RSPO2: variants seen among roughly 807,000 people sequenced by gnomAD.
RSPO2 encodes R-spondin 2, also known as R-spondin-2.
In RSPO2, 14 loss-of-function variants were observed where a neutral mutation model predicts 30.9. The observed-to-expected ratio is 0.45, with a 90% CI of 0.30 to 0.71. The LOEUF (loss-of-function observed/expected upper bound fraction) is 0.71. Among genes scored for constraint, RSPO2 ranks in the 30% least tolerant of loss-of-function variants. The pLI, the probability that RSPO2 is intolerant of heterozygous loss-of-function variation, is 0.08. For synonymous variants in RSPO2, 107 were observed against 96.4 expected (o/e 1.11, Z -0.64); for missense variants, 264 against 301.9 (o/e 0.87, Z 0.93).
At chr8:107,921,587 A>G (rs528259891) in intron 5 of RSPO2, among the ~76,000 whole-genome samples, 1 of 152,162 alleles carries the variant, frequency 6.6e-6, no homozygotes, top group African/African-American at 2.4e-5. Context: ...AAGAGGAGGG[A>G]CTGACTCCTC....
At chr8:107,945,912 T>C (rs964000272) in intron 5 of RSPO2, among the ~76,000 whole-genome samples, 3 of 152,208 alleles carry the variant, frequency 2.0e-5, no homozygotes, top group African/African-American at 7.2e-5. Context: ...ACCACCTAGA[T>C]TACACTGTCG....
At chr8:107,904,510 A>G (rs1284979667) in intron 5 of RSPO2, among the ~76,000 whole-genome samples, 2 of 152,090 alleles carry the variant, frequency 1.3e-5, no homozygotes, top group African/African-American at 4.8e-5. Context: ...CTTCAAAATC[A>G]GGTAGAATCA....
intron 3 of RSPO2, among the ~76,000 whole-genome samples, chr8:107,980,615 A>G (rs1235859456): frequency 1.3e-5 from 2 of 152,314 alleles, no homozygotes; most frequent in African/African-American, 4.8e-5. Context: ...TTAGTTGGTC[A>G]ACATCAATCA....
chr8:107,978,644 CAAA>C (rs1814304066), intron 3 of RSPO2, among the ~76,000 whole-genome samples: 2 of 152,092 alleles, frequency 1.3e-5, no homozygotes, highest in East Asian at 3.8e-4. Flanking sequence ...TCTAAAACAC[CAAA>C]AGCAATGGCA....
chr8:107,985,971 C>T (rs545777168), intron 3 of RSPO2, among the ~76,000 whole-genome samples: 26 of 152,286 alleles, frequency 1.7e-4, no homozygotes, highest in Non-Finnish European at 2.9e-4. Flanking sequence ...GGAAATCATA[C>T]TCTAGTGATT....
At chr8:107,973,134 G>C (rs1195905105) in intron 3 of RSPO2, among the ~76,000 whole-genome samples, 1 of 152,032 alleles carries the variant, frequency 6.6e-6, no homozygotes, top group Non-Finnish European at 1.5e-5. Context: ...GCTGGGCATG[G>C]TGGCAGGCAC....
chr8:107,949,397 C>A lies in RSPO2; in HGVS notation c.616+8683G>T, dbSNP rs1054077942. Among the ~76,000 whole-genome samples, 4 of 151,988 alleles carry A rather than the reference C, an allele frequency of 2.6e-5. No homozygotes were observed. In the South Asian group the frequency reaches 6.2e-4, roughly 24 times the overall value. On this transcript the variant is annotated intron_variant, in intron 5 of 5. Transcript: ENST00000276659. Reference sequence around the variant, plus strand: ...TATATCCACATTTTCTTTATCCACTCTTTGATGGGTATCTAGGTTGGTTCC... The same window carrying A: ...TATATCCACATTTTCTTTATCCACTATTTGATGGGTATCTAGGTTGGTTCC...
At chr8:107,974,061 C>T (rs1406332199) in intron 3 of RSPO2, among the ~76,000 whole-genome samples, 3 of 152,048 alleles carry the variant, frequency 2.0e-5, no homozygotes, top group Non-Finnish European at 4.4e-5. Flanking sequence ...ATTGAAAATA[C>T]TGTATTTGCT....
intron 5 of RSPO2, among the ~76,000 whole-genome samples, chr8:107,918,460 A>T (rs1294385729): frequency 6.6e-6 from 1 of 152,174 alleles, no homozygotes; most frequent in Non-Finnish European, 1.5e-5. Flanking sequence ...AGAGTCACTA[A>T]GACCCTCTTG....
chr8:107,950,953 G>A (rs1813221845), intron 5 of RSPO2, among the ~76,000 whole-genome samples: 1 of 151,970 alleles, frequency 6.6e-6, no homozygotes, highest in South Asian at 2.1e-4. Flanking sequence ...AAGTATTACA[G>A]GAAATCTAGA....
intron 2 of RSPO2, among the ~76,000 whole-genome samples, chr8:108,043,125 TTG>T (rs772039388): frequency 2.6e-5 from 4 of 152,046 alleles, no homozygotes; most frequent in Admixed American, 6.6e-5. Context: ...CTCAGGCAGT[TTG>T]TGAGTGAGGA....
intron 2 of RSPO2, among the ~76,000 whole-genome samples, chr8:108,079,287 A>T (rs997629767): frequency 3.3e-5 from 5 of 152,090 alleles, no homozygotes; most frequent in African/African-American, 1.2e-4. Context: ...TGCCTAATTA[A>T]TTTTTTAAAA....
intron 3 of RSPO2, chr8:107,983,235 T>TGAAG: frequency 6.3e-7 from 1 of 1,581,078 alleles, no homozygotes; most frequent in South Asian, 1.2e-5. Context: ...CTGCAGCGTA[T>TGAAG]CTTTCTGAAG....
At chr8:108,028,135 T>C (rs189204478) in intron 2 of RSPO2, among the ~76,000 whole-genome samples, 4 of 152,292 alleles carry the variant, frequency 2.6e-5, no homozygotes, top group Admixed American at 2.6e-4. Flanking sequence ...TCACTACTGA[T>C]ACCCAGAGTC....
intron 2 of RSPO2, among the ~76,000 whole-genome samples, chr8:108,060,478 A>G (rs1812418425): frequency 6.6e-6 from 1 of 151,832 alleles, no homozygotes; most frequent in Non-Finnish European, 1.5e-5. Flanking sequence ...AGAGAAGTTT[A>G]GAGAAAAAAA....
At chr8:108,008,578 T>C (rs1314409960) in intron 2 of RSPO2, among the ~76,000 whole-genome samples, 2 of 152,174 alleles carry the variant, frequency 1.3e-5, no homozygotes, top group African/African-American at 4.8e-5. Flanking sequence ...AATCATGAAA[T>C]GGCATAAAAA....
chr8:107,903,830 ACCGAGGAATT>A (rs1811552414), intron 5 of RSPO2, among the ~76,000 whole-genome samples: 3 of 152,030 alleles, frequency 2.0e-5, no homozygotes, highest in Admixed American at 6.6e-5. Flanking sequence ...TATTGCAAAT[ACCGAGGAATT>A]AAGATGGTTA....
At chr8:107,983,334 G>C (rs1814515922) in intron 3 of RSPO2, 1 of 1,609,790 alleles carries the variant, frequency 6.2e-7, no homozygotes, top group African/African-American at 1.3e-5. Context: ...TCATCCAAGA[G>C]AGATGGAAAA....
At chr8:108,078,306 A>G (rs1586684312) in intron 2 of RSPO2, among the ~76,000 whole-genome samples, 1 of 152,324 alleles carries the variant, frequency 6.6e-6, no homozygotes, top group East Asian at 1.9e-4. Context: ...GTTATGTTGG[A>G]AGAGAAAGCA....
Sources: allele counts gnomAD v4.1 joint callset (sites outside exome capture counted in the v4.1 genomes callset), GRCh38; gene constraint gnomAD v4.1.1; transcripts MANE v1.5; gene names NCBI Gene and HGNC (gene_info 2026-07-23, HGNC 2026-07-21).